Variants in SAMD5 observed in about 807,000 individuals in gnomAD.
SAMD5 encodes sterile alpha motif domain containing 5, also known as sterile alpha motif domain-containing protein 5.
Under a neutral mutation model 11.3 loss-of-function variants are expected in SAMD5, and 13 were observed. The ratio of observed to expected loss-of-function variants is 1.15; its 90% CI spans 0.75 to 1.83. SAMD5 has a LOEUF of 1.83. SAMD5 is among the 40% of genes most tolerant of loss of function. The pLI is 0.00. For missense variants in SAMD5, 255 were observed against 239.1 expected (o/e 1.07, Z -0.44); for synonymous variants, 129 against 111.3 (o/e 1.16, Z -1.00).
chr6:147,857,890 C>G, the SAMD5 span, among the ~76,000 whole-genome samples: 3 of 152,316 alleles, frequency 2.0e-5, no homozygotes, highest in East Asian at 1.9e-4. Context: ...AGCCAGATAC[C>G]TTTACTGTCA....
At chr6:147,926,171 A>T in the SAMD5 span, among the ~76,000 whole-genome samples, 1 of 152,176 alleles carries the variant, frequency 6.6e-6, no homozygotes, top group East Asian at 1.9e-4. Flanking sequence ...TCTTTATAGT[A>T]CAATGATTTA....
chr6:147,915,890 A>C, the SAMD5 span, among the ~76,000 whole-genome samples: 4 of 137,068 alleles, frequency 2.9e-5, no homozygotes, highest in Admixed American at 2.2e-4. Flanking sequence ...TCCTAATGCT[A>C]TCCCTCCCCC....
At chr6:147,554,901 C>A (rs1478381814) in intron 1 of SAMD5, among the ~76,000 whole-genome samples, 2 of 152,102 alleles carry the variant, frequency 1.3e-5, no homozygotes, top group African/African-American at 4.8e-5. Context: ...TTCAGGGGGT[C>A]TGCAAGGTAA....
chr6:147,835,060 G>A, the SAMD5 span, among the ~76,000 whole-genome samples: 17 of 151,818 alleles, frequency 1.1e-4, no homozygotes, highest in African/African-American at 2.7e-4. Context: ...GCAAAACCCC[G>A]TCTCTACTAA....
At chr6:147,724,848 A>G (rs1291495721) in intron 1 of SAMD5, among the ~76,000 whole-genome samples, 2 of 152,160 alleles carry the variant, frequency 1.3e-5, no homozygotes, top group African/African-American at 2.4e-5. Flanking sequence ...TGTCATACCC[A>G]AACCTAAGAG....
At chr6:147,819,698 T>A in the SAMD5 span, among the ~76,000 whole-genome samples, 3 of 152,316 alleles carry the variant, frequency 2.0e-5, no homozygotes, top group Admixed American at 2.0e-4. Context: ...GGTCTCCAGG[T>A]TACTCAGCCC....
downstream of SAMD5, among the ~76,000 whole-genome samples, chr6:147,739,841 A>G (rs1340157123): frequency 6.6e-6 from 1 of 152,076 alleles, no homozygotes; most frequent in South Asian, 2.1e-4. Flanking sequence ...TTTTTCCTAG[A>G]TGGAGGCTTG....
chr6:147,951,822 A>G, the SAMD5 span, among the ~76,000 whole-genome samples: 1 of 152,178 alleles, frequency 6.6e-6, no homozygotes, highest in African/African-American at 2.4e-5. Flanking sequence ...GACGCAGAAT[A>G]AATGTATTTG....
downstream of SAMD5, among the ~76,000 whole-genome samples, chr6:147,741,150 A>T (rs1005564524): frequency 6.6e-6 from 1 of 152,194 alleles, no homozygotes; most frequent in Non-Finnish European, 1.5e-5. Flanking sequence ...ACATATGGAC[A>T]TTAGATCTAC....
the SAMD5 span, among the ~76,000 whole-genome samples, chr6:147,874,055 C>T: frequency 6.6e-6 from 1 of 152,164 alleles, no homozygotes; most frequent in African/African-American, 2.4e-5. Flanking sequence ...AGAAATCTGT[C>T]TCAGCTACTG....
intron 1 of SAMD5, among the ~76,000 whole-genome samples, chr6:147,624,313 C>A (rs947855175): frequency 1.3e-5 from 2 of 151,902 alleles, no homozygotes; most frequent in Admixed American, 6.6e-5. Context: ...CCCCACCCCA[C>A]CCCCATCCCT....
At chr6:147,555,194 C>T (rs975854501) in intron 1 of SAMD5, among the ~76,000 whole-genome samples, 2 of 152,200 alleles carry the variant, frequency 1.3e-5, no homozygotes, top group Admixed American at 1.3e-4. Context: ...GAGAACTACT[C>T]ATAAAGCACT....
chr6:147,880,722 C>G, the SAMD5 span, among the ~76,000 whole-genome samples: 59 of 152,246 alleles, frequency 3.9e-4, no homozygotes, highest in East Asian at 0.01. Flanking sequence ...TTCTCTGTCT[C>G]CTGGGCAGCT....
chr6:147,720,948 G>A (rs930435781), intron 1 of SAMD5, among the ~76,000 whole-genome samples: 1 of 133,242 alleles, frequency 7.5e-6, no homozygotes, highest in Admixed American at 7.5e-5. Context: ...AATATGCGGC[G>A]TTTGGTTTTT....
Position 147,737,106 on chromosome 6 carries a change from T to C in SAMD5, c.163-211T>C, listed in dbSNP as rs543473527. ...GTACATGCATATTATGTATATTATA[T>C]ACATTATAGTGTATTATATGTTACA... On this transcript the variant is annotated intron_variant, in intron 1 of 1. Coordinates refer to the SAMD5 transcript ENST00000566741. 1.1e-4 allele frequency among the ~76,000 whole-genome samples: 17 copies of C among 152,276 alleles called. 1 individual carries two copies. In the South Asian group the frequency reaches 3.3e-3, roughly 30 times the overall value.
At chr6:147,841,202 C>A in the SAMD5 span, among the ~76,000 whole-genome samples, 2 of 152,124 alleles carry the variant, frequency 1.3e-5, no homozygotes, top group African/African-American at 4.8e-5. Flanking sequence ...GTTTTGATAT[C>A]ATCCAGAGGA....
intron 1 of SAMD5, among the ~76,000 whole-genome samples, chr6:147,602,845 A>C (rs1722319923): frequency 6.6e-6 from 1 of 152,176 alleles, no homozygotes; most frequent in African/African-American, 2.4e-5. Context: ...TAGATAATTA[A>C]AAATAGAAGA....
chr6:147,557,277 C>A (rs7757890), intron 1 of SAMD5, among the ~76,000 whole-genome samples: 40 of 152,252 alleles, frequency 2.6e-4, no homozygotes, highest in African/African-American at 9.1e-4. Flanking sequence ...GATTAAAAAA[C>A]ATTTCTAATA....
At chr6:147,928,914 T>G in the SAMD5 span, among the ~76,000 whole-genome samples, 1 of 152,186 alleles carries the variant, frequency 6.6e-6, no homozygotes, top group Non-Finnish European at 1.5e-5. Flanking sequence ...TTAATTTCAT[T>G]ATTTACCCAA....
Sources: allele counts gnomAD v4.1 joint callset (sites outside exome capture counted in the v4.1 genomes callset), GRCh38; gene constraint gnomAD v4.1.1; transcripts MANE v1.5; gene names NCBI Gene and HGNC (gene_info 2026-07-23, HGNC 2026-07-21).